KCNIP4: variants seen among roughly 807,000 people sequenced by gnomAD.
KCNIP4 encodes the protein potassium voltage-gated channel interacting protein 4, also known as Kv channel-interacting protein 4.
Under a neutral mutation model 34.0 loss-of-function variants are expected in KCNIP4, and 12 were observed. The observed-to-expected ratio is 0.35, with a 90% CI of 0.23 to 0.57. The LOEUF is 0.57. Ranked by LOEUF, KCNIP4 falls within the 20% of genes least tolerant of loss-of-function variation. The pLI is 0.83. For missense variants in KCNIP4, 238 were observed against 311.7 expected, an observed-to-expected ratio of 0.76 and a Z score of 1.78; for synonymous variants, 124 against 102.2, an observed-to-expected ratio of 1.21 and a Z score of -1.29.
intron 1 of KCNIP4, among the ~76,000 whole-genome samples, chr4:21,519,717 T>TATACACACGTGTGTATATGTATG (rs200131160): frequency 3.1e-5 from 4 of 130,746 alleles, no homozygotes; most frequent in African/African-American, 1.2e-4. Context: ...TATGTGTATA[T>TATACACACGTGTGTATATGTATG]ATACACACGT....
chr4:21,221,531 C>G lies in KCNIP4; in HGVS notation c.62-338822G>C, dbSNP rs572024485. 1.9e-3 allele frequency among the ~76,000 whole-genome samples: 286 copies of G among 152,246 alleles called. 13 individuals carry two copies. In the South Asian group the frequency reaches 0.058, roughly 31 times the overall value. On this transcript the variant is annotated intron_variant, in intron 1 of 8. Transcript: ENST00000382152. ...AGAGCCCCTTATAAAACTATCAGAT[C>G]TTGTGAGAACTCACTCACTATCATG...
chr4:20,864,208 A>G (rs960692015), intron 2 of KCNIP4, among the ~76,000 whole-genome samples: 1 of 150,328 alleles, frequency 6.7e-6, no homozygotes, highest in Admixed American at 6.6e-5. Flanking sequence ...ATGTACACAC[A>G]TGCATGTATA....
chr4:21,546,627 TATACTC>T (rs1738176594), intron 1 of KCNIP4, among the ~76,000 whole-genome samples: 1 of 152,168 alleles, frequency 6.6e-6, no homozygotes, highest in East Asian at 1.9e-4. Context: ...ATTTCATAAT[TATACTC>T]ATACTAAATC....
chr4:21,713,169 T>C (rs1713877473), intron 1 of KCNIP4, among the ~76,000 whole-genome samples: 1 of 152,148 alleles, frequency 6.6e-6, no homozygotes, highest in African/African-American at 2.4e-5. Flanking sequence ...CCAATAAAAT[T>C]CTTTTGAGAA....
At chr4:21,414,966 G>A (rs766599648) in intron 1 of KCNIP4, among the ~76,000 whole-genome samples, 11 of 151,912 alleles carry the variant, frequency 7.2e-5, no homozygotes, top group Non-Finnish European at 1.0e-4. Context: ...CATTCTAATT[G>A]TACTGTCTCA....
chr4:21,439,325 C>T (rs571442444), intron 1 of KCNIP4, among the ~76,000 whole-genome samples: 2 of 150,876 alleles, frequency 1.3e-5, no homozygotes, highest in South Asian at 2.1e-4. Flanking sequence ...CCTGTATATC[C>T]GCATTAGTAA....
At position 21,374,325 on chromosome 4, in the gene KCNIP4, C is replaced by T. The variant is rs1296147107; in HGVS notation, c.62-491616G>A. 1.4e-5 allele frequency among the ~76,000 whole-genome samples: 2 copies of T among 147,030 alleles called. 1 individual carries two copies. Among genetic ancestry groups the T allele is most frequent in the African/African-American group, 5.4e-5 (2 of 36,780 alleles). ...ATGGCGGAAGGTGAAAGGCAAAAGGCACAACTTACATGGCAGCAGGCAAGA... is the reference window on the plus strand; with the variant it reads ...ATGGCGGAAGGTGAAAGGCAAAAGGTACAACTTACATGGCAGCAGGCAAGA... On this transcript the variant is annotated intron_variant, in intron 1 of 8. Coordinates refer to ENST00000382152, the MANE Select transcript of KCNIP4 (RefSeq NM_025221.6).
chr4:21,200,341 T>C (rs181850256), intron 1 of KCNIP4, among the ~76,000 whole-genome samples: 3,170 of 101,350 alleles, frequency 0.031, 315 homozygotes, highest in African/African-American at 0.11. Context: ...TATATATACA[T>C]ACATATATGT....
chr4:20,772,275 C>G (rs1255674916), intron 3 of KCNIP4, among the ~76,000 whole-genome samples: 2 of 152,110 alleles, frequency 1.3e-5, no homozygotes, highest in South Asian at 4.1e-4. Context: ...CTATTAATCA[C>G]TAAAACACAA....
chr4:21,380,081 TC>T (rs1721342050), intron 1 of KCNIP4, among the ~76,000 whole-genome samples: 1 of 152,156 alleles, frequency 6.6e-6, no homozygotes, highest in Non-Finnish European at 1.5e-5. Flanking sequence ...GCTATTTTTT[TC>T]CATTTTATAG....
chr4:21,623,013 C>T (rs1745093732), intron 1 of KCNIP4, among the ~76,000 whole-genome samples: 1 of 152,152 alleles, frequency 6.6e-6, no homozygotes. Context: ...TATGACATCA[C>T]TTAAATGAGA....
chr4:20,963,028 GA>G (rs1733996275), intron 1 of KCNIP4, among the ~76,000 whole-genome samples: 1 of 152,068 alleles, frequency 6.6e-6, no homozygotes, highest in African/African-American at 2.4e-5. Context: ...ATGGGAGCAT[GA>G]TTTCCGAATA....
chr4:21,758,015 T>A (rs541365018), intron 1 of KCNIP4, among the ~76,000 whole-genome samples: 2 of 152,228 alleles, frequency 1.3e-5, no homozygotes, highest in Non-Finnish European at 2.9e-5. Flanking sequence ...GGTATGACAA[T>A]AAGACCAACT....
intron 1 of KCNIP4, among the ~76,000 whole-genome samples, chr4:21,819,796 G>A (rs112561352): frequency 4.1e-4 from 62 of 152,090 alleles, no homozygotes; most frequent in African/African-American, 1.3e-3. Flanking sequence ...TTTATCCTTC[G>A]TTCAAATTTG....
intron 1 of KCNIP4, among the ~76,000 whole-genome samples, chr4:21,256,000 C>A (rs753733686): frequency 6.6e-6 from 1 of 151,614 alleles, no homozygotes; most frequent in African/African-American, 2.4e-5. Context: ...ATTTTAGTGA[C>A]AAGAACCACA....
chr4:21,764,610 CAT>C (rs1242932585), intron 1 of KCNIP4, among the ~76,000 whole-genome samples: 4 of 152,088 alleles, frequency 2.6e-5, no homozygotes, highest in Non-Finnish European at 5.9e-5. Context: ...TCCCAGAAGA[CAT>C]GAGAGGGTGG....
intron 1 of KCNIP4, among the ~76,000 whole-genome samples, chr4:21,218,235 G>C (rs967809206): frequency 6.6e-6 from 1 of 151,712 alleles, no homozygotes. Context: ...GGTTGGTCTC[G>C]AACTCCTGAC....
intron 1 of KCNIP4, among the ~76,000 whole-genome samples, chr4:21,508,891 T>C (rs903985274): frequency 6.2e-5 from 5 of 80,448 alleles, no homozygotes; most frequent in African/African-American, 3.0e-4. Flanking sequence ...TATTTTATGC[T>C]GCTGTTAGTT....
intron 1 of KCNIP4, among the ~76,000 whole-genome samples, chr4:21,213,113 G>A (rs777316353): frequency 3.0e-4 from 46 of 152,168 alleles, no homozygotes; most frequent in South Asian, 4.1e-4. Context: ...AGGTCCGGAC[G>A]AGGTGCATGC....
Sources: allele counts gnomAD v4.1 joint callset (sites outside exome capture counted in the v4.1 genomes callset), GRCh38; gene constraint gnomAD v4.1.1; transcripts MANE v1.5; gene names NCBI Gene and HGNC (gene_info 2026-07-23, HGNC 2026-07-21).